DNAH7: variants seen among roughly 807,000 people sequenced by gnomAD.
The protein encoded by DNAH7 is dynein axonemal heavy chain 7, also known as axonemal beta dynein heavy chain 7.
In DNAH7, 397 loss-of-function variants were observed where a neutral mutation model predicts 444.6. That is an observed-to-expected ratio of 0.89 (90% CI 0.82 to 0.97). DNAH7 has a LOEUF of 0.97. Among genes scored for constraint, DNAH7 ranks in the 50% least tolerant of loss-of-function variants. The pLI, the probability that DNAH7 is intolerant of heterozygous loss-of-function variation, is 0.00. For synonymous variants in DNAH7, 1,636 were observed against 1,624.4 expected, an observed-to-expected ratio of 1.01 and a Z score of -0.17; for missense variants, 4,902 against 4,800.8, an observed-to-expected ratio of 1.02 and a Z score of -0.62.
At chr2:195,844,945 C>T in intron 47 of DNAH7, 57 bp downstream of exon 47, 1 of 1,497,398 alleles carries the variant, frequency 6.7e-7, no homozygotes. Context: ...TAAAGGAACA[C>T]AGATAAATCT....
At chr2:195,980,998 G>A (rs559194540) in intron 15 of DNAH7, among the ~76,000 whole-genome samples, 1 of 152,180 alleles carries the variant, frequency 6.6e-6, no homozygotes, top group South Asian at 2.1e-4. Context: ...CCTAGCTAGA[G>A]CAATCAGATA....
chr2:195,822,784 A>G (rs1400795407), intron 49 of DNAH7, among the ~76,000 whole-genome samples: 1 of 152,210 alleles, frequency 6.6e-6, no homozygotes, highest in African/African-American at 2.4e-5. Flanking sequence ...ACTGAACAGT[A>G]AAAAAGGTTT....
At chr2:195,789,553 C>A (rs189640808) in intron 57 of DNAH7, among the ~76,000 whole-genome samples, 2 of 152,198 alleles carry the variant, frequency 1.3e-5, no homozygotes, top group Admixed American at 6.5e-5. Context: ...GCTAAAGTAT[C>A]TCCCCCACAG....
chr2:195,856,055 G>A (rs1330246269), intron 44 of DNAH7, 64 bp from the exon 45 acceptor site: 1 of 1,462,144 alleles, frequency 6.8e-7, no homozygotes, highest in African/African-American at 1.4e-5. Context: ...TTCTATCACT[G>A]AATTTACTTT....
intron 50 of DNAH7, 130 bp downstream of exon 50, chr2:195,817,566 C>T (rs1697283785): frequency 1.0e-6 from 1 of 988,968 alleles, no homozygotes; most frequent in Non-Finnish European, 1.4e-6. Context: ...TAATTCCTTA[C>T]ATTTTCCTGT....
intron 1 of DNAH7, among the ~76,000 whole-genome samples, chr2:196,061,276 C>T (rs1481891765): frequency 6.6e-6 from 1 of 152,042 alleles, no homozygotes; most frequent in African/African-American, 2.4e-5. Context: ...TGACCCCATC[C>T]AGCCCAAATA....
intron 38 of DNAH7, among the ~76,000 whole-genome samples, chr2:195,874,974 A>G (rs1225877971): frequency 6.6e-6 from 1 of 152,232 alleles, no homozygotes; most frequent in South Asian, 2.1e-4. Context: ...CAACACAAGC[A>G]ACATTTTAAA....
intron 53 of DNAH7, among the ~76,000 whole-genome samples, chr2:195,807,307 C>G (rs991577017): frequency 1.2e-4 from 18 of 151,990 alleles, no homozygotes; most frequent in African/African-American, 3.9e-4. Context: ...CAGTGGTGCA[C>G]CACCATACCC....
chr2:195,995,675 A>C (rs976829108), intron 12 of DNAH7: 2 of 209,408 alleles, frequency 9.6e-6, no homozygotes, highest in Non-Finnish European at 1.9e-5. Context: ...GACTAGGGAG[A>C]GAAGATAAAG....
At chr2:195,942,617 A>G (rs1402424916) in intron 19 of DNAH7, among the ~76,000 whole-genome samples, 1 of 152,148 alleles carries the variant, frequency 6.6e-6, no homozygotes, top group African/African-American at 2.4e-5. Context: ...TATGTCCCTC[A>G]TATAGAAGTA....
Position 195,808,688 on chromosome 2 carries a change from A to G in DNAH7, c.10077T>C (p.Asp3359=). 6.2e-7 allele frequency: 1 copy of G among 1,613,876 alleles called. No individual in the cohort carries two copies. The highest frequency in any genetic ancestry group is 8.5e-7 in the Non-Finnish European group (1 of 1,179,896). The change falls in exon 53 of 65, where the codon GAT becomes GAC. Residue 3359 remains aspartate, a synonymous_variant. Coordinates refer to ENST00000312428, the MANE Select transcript of DNAH7 (RefSeq NM_018897.3). ...RLKDGWKKVY[D]SLEPHHEVFP... Reference sequence around the variant, plus strand: ...TGAGAGGGTTAAAACATACCAAACTATCATATACTTTCTTCCATCCATCCT... The same window carrying G: ...TGAGAGGGTTAAAACATACCAAACTGTCATATACTTTCTTCCATCCATCCT...
At chr2:195,974,179 A>C (rs906423509) in intron 15 of DNAH7, among the ~76,000 whole-genome samples, 1 of 152,212 alleles carries the variant, frequency 6.6e-6, no homozygotes, top group Non-Finnish European at 1.5e-5. Flanking sequence ...GAAATTGTTC[A>C]TTGATATATT....
intron 24 of DNAH7, among the ~76,000 whole-genome samples, chr2:195,917,291 T>G (rs1030441729): frequency 6.6e-6 from 1 of 151,774 alleles, no homozygotes; most frequent in Non-Finnish European, 1.5e-5. Flanking sequence ...GTTTGACAGG[T>G]ATATGATCTC....
intron 17 of DNAH7, among the ~76,000 whole-genome samples, chr2:195,962,399 G>A (rs1388423989): frequency 6.6e-6 from 1 of 152,186 alleles, no homozygotes; most frequent in Admixed American, 6.5e-5. Flanking sequence ...CACCCAGACT[G>A]GAATGCAGTG....
intron 58 of DNAH7, among the ~76,000 whole-genome samples, chr2:195,784,998 G>A (rs961201215): frequency 2.1e-4 from 31 of 149,264 alleles, no homozygotes; most frequent in African/African-American, 7.2e-4. Context: ...TGCAAGCTCC[G>A]CCTCCCGGTT....
intron 40 of DNAH7, among the ~76,000 whole-genome samples, chr2:195,867,101 T>C (rs1288737430): frequency 6.6e-6 from 1 of 152,184 alleles, no homozygotes; most frequent in Non-Finnish European, 1.5e-5. Flanking sequence ...ATCAGCAGCA[T>C]GAAAATGGAC....
At chr2:195,843,919 A>G (rs1257295152) in intron 47 of DNAH7, among the ~76,000 whole-genome samples, 1 of 152,004 alleles carries the variant, frequency 6.6e-6, no homozygotes, top group Non-Finnish European at 1.5e-5. Flanking sequence ...ACACGGTGAA[A>G]CCCCATCTCT....
chr2:195,976,095 C>G (rs528597253), intron 15 of DNAH7, among the ~76,000 whole-genome samples: 1 of 152,308 alleles, frequency 6.6e-6, no homozygotes, highest in East Asian at 1.9e-4. Context: ...GCAGCTCGGC[C>G]ACAGTGTGGC....
At chr2:196,037,166 G>C (rs190561203) in intron 5 of DNAH7, among the ~76,000 whole-genome samples, 1 of 151,960 alleles carries the variant, frequency 6.6e-6, no homozygotes, top group East Asian at 1.9e-4. Flanking sequence ...GTAATCATAC[G>C]AACATTACAC....
Sources: gnomAD v4.1 joint callset for allele counts (sites outside exome capture counted in the v4.1 genomes callset) on GRCh38, gnomAD v4.1.1 for gene constraint, MANE v1.5 for transcripts, NCBI Gene and HGNC (gene_info 2026-07-23, HGNC 2026-07-21) for gene names.